Variants in TMEM167A observed in about 807,000 individuals in gnomAD.
The protein encoded by TMEM167A is transmembrane protein 167A.
A neutral mutation model predicts 11.6 loss-of-function variants in TMEM167A; 8 were observed. The observed-to-expected ratio is 0.69, with a 90% CI of 0.40 to 1.24. TMEM167A has a LOEUF of 1.24. Among genes scored for constraint, TMEM167A ranks in the 50% most tolerant of loss-of-function variants. TMEM167A has a pLI of 0.01. For missense variants in TMEM167A, 62 were observed against 87.0 expected, an observed-to-expected ratio of 0.71 and a Z score of 1.14; for synonymous variants, 22 against 28.0, an observed-to-expected ratio of 0.79 and a Z score of 0.67.
At chr5:83,077,193 C>A in intron 1 of TMEM167A, 128 bp downstream of exon 1, 1 of 1,367,274 alleles carries the variant, frequency 7.3e-7, no homozygotes, top group South Asian at 1.2e-5. Flanking sequence ...CGTGGAGGGA[C>A]CACATGGCTC....
chr5:83,061,686 C>T (rs946670326), intron 3 of TMEM167A, among the ~76,000 whole-genome samples, 191 bp downstream of exon 3: 2 of 152,180 alleles, frequency 1.3e-5, no homozygotes, highest in Non-Finnish European at 2.9e-5. Flanking sequence ...TGAGCCACCA[C>T]GCCTGGCCCA....
chr5:83,055,242 T>C lies in TMEM167A; in HGVS notation c.*1842A>G, dbSNP rs1335350526. The C allele has an allele frequency of 6.6e-6, 1 of 152,036 alleles. No homozygotes were observed. Among genetic ancestry groups the C allele is most frequent in the Non-Finnish European group, 1.5e-5 (1 of 67,952 alleles). The allele number at this position is 152,036 out of a possible 1,614,324, so 9.4% of individuals were successfully genotyped here. A position where few individuals can be genotyped will look rare whatever the true frequency, so the allele number is the denominator to read the frequency against. On this transcript the variant is annotated 3_prime_UTR_variant, in exon 4 of 4. Coordinates refer to ENST00000502346, the MANE Select transcript of TMEM167A (RefSeq NM_174909.5). Reference sequence around the variant, plus strand: ...TCCTCTGAGATGCCAAATTAAGAAATGTCTTAGAATATCTAGAATATTCTT... The same window carrying C: ...TCCTCTGAGATGCCAAATTAAGAAACGTCTTAGAATATCTAGAATATTCTT...
intron 1 of TMEM167A, among the ~76,000 whole-genome samples, chr5:83,069,773 T>G (rs1195078313): frequency 6.6e-6 from 1 of 152,164 alleles, no homozygotes; most frequent in African/African-American, 2.4e-5. Context: ...TATTAAAATA[T>G]AGTACACAGA....
chr5:83,063,699 A>G (rs1252403000), intron 2 of TMEM167A, among the ~76,000 whole-genome samples: 1 of 152,014 alleles, frequency 6.6e-6, no homozygotes, highest in Non-Finnish European at 1.5e-5. Flanking sequence ...TTTTACTTAC[A>G]CATGCACACA....
At chr5:83,060,632 G>A (rs1744393892) in intron 3 of TMEM167A, among the ~76,000 whole-genome samples, 1 of 151,954 alleles carries the variant, frequency 6.6e-6, no homozygotes, top group Non-Finnish European at 1.5e-5. Flanking sequence ...GAGTTGGAGA[G>A]CAGCCTGGCC....
chr5:83,075,778 C>T (rs1004345153), intron 1 of TMEM167A, among the ~76,000 whole-genome samples: 1 of 151,874 alleles, frequency 6.6e-6, no homozygotes, highest in Non-Finnish European at 1.5e-5. Flanking sequence ...TACAGTAATT[C>T]AGGTTTATTA....
intron 2 of TMEM167A, 162 bp from the exon 3 acceptor site, chr5:83,062,073 T>C (rs1041118838): frequency 1.5e-5 from 9 of 584,168 alleles, no homozygotes; most frequent in East Asian, 6.0e-5. Context: ...CCACCATTCA[T>C]GTATGAAAGT....
At chr5:83,066,728 G>A (rs1212376063) in intron 1 of TMEM167A, among the ~76,000 whole-genome samples, 1 of 152,166 alleles carries the variant, frequency 6.6e-6, no homozygotes, top group Non-Finnish European at 1.5e-5. Context: ...TTGGGAAGTG[G>A]GGCCTAGTGG....
intron 1 of TMEM167A, among the ~76,000 whole-genome samples, chr5:83,066,573 A>G (rs890159343): frequency 9.2e-5 from 14 of 152,372 alleles, no homozygotes; most frequent in African/African-American, 3.4e-4. Context: ...AGAAATGTGC[A>G]ACATTGGCAT....
At position 83,065,217 on chromosome 5, in the gene TMEM167A, C is replaced by G. The variant is rs567583050; in HGVS notation, c.4-100G>C. ...ATTTAGAGTCATGTTTTTATTTCTT[C>G]AAGAAGGCAAGCAGAATGACAAGTC... On this transcript the variant is annotated intron_variant, in intron 1 of 3. Coordinates refer to ENST00000502346, the MANE Select transcript of TMEM167A (RefSeq NM_174909.5). The G allele has an allele frequency of 2.4e-5, 17 of 711,156 alleles. No homozygotes were observed. In the East Asian group the frequency reaches 4.4e-4, roughly 19 times the overall value. 44.1% of individuals were successfully genotyped at this position (711,156 alleles called of 1,614,324 possible).
chr5:83,071,870 T>C (rs548548009), intron 1 of TMEM167A, among the ~76,000 whole-genome samples: 3 of 152,284 alleles, frequency 2.0e-5, no homozygotes, highest in East Asian at 3.9e-4. Flanking sequence ...AATCCAAGTA[T>C]AAAAATTTGA....
At position 83,053,467 on chromosome 5, in the gene TMEM167A, T is replaced by C. The variant is rs1744287634; in HGVS notation, c.*3617A>G. 1 of 152,002 alleles carries C rather than the reference T, an allele frequency of 6.6e-6. No individual in the cohort carries two copies. The highest frequency in any genetic ancestry group is 6.6e-5 in the Admixed American group (1 of 15,222). 9.4% of individuals were successfully genotyped at this position (152,002 alleles called of 1,614,324 possible). A position where few individuals can be genotyped will look rare whatever the true frequency, so the allele number is the denominator to read the frequency against. ...TCAGGCAAGTCTTCGGAAAGTATAC[T>C]ACTGTATTCCTAGTCCAAAATAAGG... On this transcript the variant is annotated 3_prime_UTR_variant, in exon 4 of 4. Transcript: ENST00000502346.
chr5:83,058,158 A>G (rs1744358234), intron 3 of TMEM167A, among the ~76,000 whole-genome samples: 1 of 152,046 alleles, frequency 6.6e-6, no homozygotes, highest in Non-Finnish European at 1.5e-5. Flanking sequence ...CAAGTTAGGC[A>G]AACTACCTCT....
intron 1 of TMEM167A, among the ~76,000 whole-genome samples, chr5:83,073,189 T>C (rs923151413): frequency 5.3e-5 from 8 of 152,190 alleles, no homozygotes; most frequent in Non-Finnish European, 8.8e-5. Flanking sequence ...TCCGCATCTG[T>C]TTCTTCATAT....
In TMEM167A at chr5:83,057,024, G is replaced by A. The variant is rs1744342235; in HGVS notation, c.*60C>T. ...TTAAACATCCTTTCCATTATTTTCT[G>A]CAGTCAGTCCTTGTTCACAATCAAA... On this transcript the variant is annotated 3_prime_UTR_variant, in exon 4 of 4. Coordinates refer to ENST00000502346, the MANE Select transcript of TMEM167A (RefSeq NM_174909.5). The A allele has an allele frequency of 7.0e-7, 1 of 1,420,766 alleles. No homozygotes were observed. The highest frequency in any genetic ancestry group is 1.7e-5 in the Admixed American group (1 of 59,452). The allele number at this position is 1,420,766 out of a possible 1,614,324, so 88.0% of individuals were successfully genotyped here.
At position 83,056,151 on chromosome 5, in the gene TMEM167A, A is replaced by G. The variant is rs1197039271; in HGVS notation, c.*933T>C. The G allele has an allele frequency of 6.6e-6, 1 of 152,076 alleles. No individual in the cohort carries two copies. Among genetic ancestry groups the G allele is most frequent in the Non-Finnish European group, 1.5e-5 (1 of 67,946 alleles). 9.4% of individuals were successfully genotyped at this position (152,076 alleles called of 1,614,324 possible). A position where few individuals can be genotyped will look rare whatever the true frequency, so the allele number is the denominator to read the frequency against. On this transcript the variant is annotated 3_prime_UTR_variant, in exon 4 of 4. Coordinates refer to ENST00000502346, the MANE Select transcript of TMEM167A (RefSeq NM_174909.5). ...AACTATTTATCACCTCCAAAGTAAC[A>G]AAAGAGATTCCAGTTCAAGTTGACA...
At chr5:83,068,713 T>C (rs1280470414) in intron 1 of TMEM167A, among the ~76,000 whole-genome samples, 1 of 152,200 alleles carries the variant, frequency 6.6e-6, no homozygotes, top group East Asian at 1.9e-4. Flanking sequence ...AATCTTACTG[T>C]ATTTTAAGCA....
intron 3 of TMEM167A, 108 bp from the exon 4 acceptor site, chr5:83,057,262 C>T (rs1294284150): frequency 5.9e-6 from 6 of 1,015,922 alleles, no homozygotes; most frequent in East Asian, 5.1e-5. Flanking sequence ...CTAGGAGGCC[C>T]GCACATTGGG....
At chr5:83,068,382 A>G (rs1744513655) in intron 1 of TMEM167A, among the ~76,000 whole-genome samples, 1 of 152,226 alleles carries the variant, frequency 6.6e-6, no homozygotes, top group Non-Finnish European at 1.5e-5. Context: ...CCTGAATTTT[A>G]TTCATGATTG....
Sources: gnomAD v4.1 joint callset for allele counts (sites outside exome capture counted in the v4.1 genomes callset) on GRCh38, gnomAD v4.1.1 for gene constraint, MANE v1.5 for transcripts, NCBI Gene and HGNC (gene_info 2026-07-23, HGNC 2026-07-21) for gene names.